The following ABCA13 variants were observed in gnomAD, a reference collection of about 807,000 sequenced individuals.
The protein encoded by ABCA13 is ATP binding cassette subfamily A member 13, also known as ATP-binding cassette sub-family A member 13.
In ABCA13, 476 loss-of-function variants were observed where a neutral mutation model predicts 478.7. The observed-to-expected ratio is 0.99, with a 90% confidence interval of 0.92 to 1.07. The LOEUF (loss-of-function observed/expected upper bound fraction) is 1.07, where lower values mean the gene tolerates loss of function less well. Among genes scored for constraint, ABCA13 ranks in the 50% least tolerant of loss-of-function variants. The pLI, the probability that ABCA13 is intolerant of heterozygous loss-of-function variation, is 0.00. For missense variants in ABCA13, 6,060 were observed against 5,910.6 expected (o/e 1.03, Z -0.83); for synonymous variants, 2,252 against 2,158.9 (o/e 1.04, Z -1.20).
chr7:48,404,839 A>G (rs1415371312), intron 39 of ABCA13, among the ~76,000 whole-genome samples: 1 of 152,230 alleles, frequency 6.6e-6, no homozygotes, highest in Non-Finnish European at 1.5e-5. Context: ...AGCATAGAAG[A>G]TCAATCTGTT....
At chr7:48,245,657 A>T (rs374608447) in intron 12 of ABCA13, 45 bp downstream of exon 12, 12 of 1,567,020 alleles carry the variant, frequency 7.7e-6, no homozygotes, top group Non-Finnish European at 1.0e-5. Flanking sequence ...TTAATAAAAC[A>T]TTCAAGAAGC....
At position 48,232,298 on chromosome 7, in the gene ABCA13, C is replaced by T. The variant is rs182449886; in HGVS notation, c.764-1720C>T. On this transcript the variant is annotated intron_variant, in intron 7 of 61. Coordinates refer to ENST00000435803, the MANE Select transcript of ABCA13 (RefSeq NM_152701.5). ...GTGCGAGATGAATAAAACACCTCAT[C>T]GAAATCTTCCCAGTGACCTTAATTT... 9.9e-4 allele frequency among the ~76,000 whole-genome samples: 150 copies of T among 151,884 alleles called. 2 individuals carry two copies. Among genetic ancestry groups the T allele is most frequent in the African/African-American group, 3.4e-3 (142 of 41,394 alleles).
chr7:48,398,713 G>T (rs1817190614), intron 38 of ABCA13, among the ~76,000 whole-genome samples: 1 of 152,162 alleles, frequency 6.6e-6, no homozygotes, highest in African/African-American at 2.4e-5. Context: ...ACTACTTAGA[G>T]TTCTGGAGTT....
intron 1 of ABCA13, among the ~76,000 whole-genome samples, chr7:48,176,505 T>C (rs1166235837): frequency 6.6e-6 from 1 of 152,186 alleles, no homozygotes. Flanking sequence ...AAGCACCGCA[T>C]TCTTGATTTA....
intron 51 of ABCA13, among the ~76,000 whole-genome samples, chr7:48,513,345 C>A (rs577392289): frequency 1.3e-5 from 2 of 152,224 alleles, no homozygotes; most frequent in African/African-American, 2.4e-5. Context: ...CATGCCTAAT[C>A]GCAGTCTTAT....
At chr7:48,466,872 T>G in intron 43 of ABCA13, 84 bp from the exon 44 acceptor site, 20 of 1,297,364 alleles carry the variant, frequency 1.5e-5, no homozygotes, top group Non-Finnish European at 2.1e-5. Flanking sequence ...GGGCACAATG[T>G]GAGGTCAGCA....
rs3078321 is a variant in ABCA13, at chr7:48,478,293, TTA to T, written c.12976-2726_12976-2725del. On this transcript the variant is annotated intron_variant, in intron 45 of 61. Transcript: ENST00000435803. ...TTTTATATATATCATATATATCATT[TTA>T]TATATATATATATATAATCACACAC... Among the ~76,000 whole-genome samples, 570 of 132,800 alleles carry T rather than the reference TTA, an allele frequency of 4.3e-3. 2 individuals carry two copies. Among genetic ancestry groups the T allele is most frequent in the African/African-American group, 0.015 (535 of 35,190 alleles). The allele number at this position is 132,800 out of a possible 152,430, so 87.1% of individuals were successfully genotyped here.
intron 19 of ABCA13, among the ~76,000 whole-genome samples, chr7:48,281,885 A>G (rs1299742403): frequency 6.6e-6 from 1 of 152,132 alleles, no homozygotes; most frequent in Non-Finnish European, 1.5e-5. Flanking sequence ...GCTACAGTCA[A>G]TATTTTTTGA....
intron 54 of ABCA13, among the ~76,000 whole-genome samples, chr7:48,524,976 G>A (rs1832791751): frequency 6.6e-6 from 1 of 152,192 alleles, no homozygotes; most frequent in African/African-American, 2.4e-5. Context: ...TGTGTAAAGG[G>A]AAATCAGTTC....
chr7:48,171,989 A>G (rs886626400), intron 1 of ABCA13, among the ~76,000 whole-genome samples: 95 of 152,188 alleles, frequency 6.2e-4, no homozygotes, highest in African/African-American at 2.3e-3. Flanking sequence ...AGAGCAGGGT[A>G]TGACACATCC....
intron 41 of ABCA13, among the ~76,000 whole-genome samples, chr7:48,418,766 A>C (rs993842419): frequency 3.9e-5 from 6 of 152,204 alleles, no homozygotes; most frequent in Non-Finnish European, 1.5e-5. Flanking sequence ...GTGTATTTTC[A>C]GATTAGACAC....
chr7:48,562,113 A>G (rs201888931), intron 55 of ABCA13, among the ~76,000 whole-genome samples: 22,488 of 98,874 alleles, frequency 0.23, 2,055 homozygotes, highest in African/African-American at 0.45. Flanking sequence ...ATGGGGGGGG[A>G]GGTGGATACA....
chr7:48,198,903 T>C (rs1458168830), intron 3 of ABCA13, among the ~76,000 whole-genome samples: 1 of 152,188 alleles, frequency 6.6e-6, no homozygotes, highest in Non-Finnish European at 1.5e-5. Context: ...ACAGTGTCAG[T>C]TGGCCTTAAA....
intron 27 of ABCA13, among the ~76,000 whole-genome samples, chr7:48,321,839 C>A (rs538884358): frequency 6.6e-6 from 1 of 152,262 alleles, no homozygotes; most frequent in South Asian, 2.1e-4. Flanking sequence ...GTGGGCTGGG[C>A]AGGCCAGGCC....
intron 13 of ABCA13, among the ~76,000 whole-genome samples, chr7:48,246,827 G>A (rs545108001): frequency 6.6e-6 from 1 of 152,292 alleles, no homozygotes; most frequent in Admixed American, 6.5e-5. Flanking sequence ...ACAACAGTGA[G>A]AGCCTTGGAG....
intron 1 of ABCA13, among the ~76,000 whole-genome samples, chr7:48,188,198 G>T (rs1796615709): frequency 6.6e-6 from 1 of 152,144 alleles, no homozygotes; most frequent in South Asian, 2.1e-4. Context: ...GACCAGTTGG[G>T]CTCCGTGCTC....
At chr7:48,624,777 A>G (rs538236610) in intron 59 of ABCA13, among the ~76,000 whole-genome samples, 1 of 146,908 alleles carries the variant, frequency 6.8e-6, no homozygotes, top group African/African-American at 2.5e-5. Flanking sequence ...CAGGTCTTGA[A>G]CTCCTGACCT....
chr7:48,479,362 C>T (rs149075373), intron 45 of ABCA13, among the ~76,000 whole-genome samples: 37 of 152,184 alleles, frequency 2.4e-4, no homozygotes, highest in African/African-American at 3.6e-4. Flanking sequence ...CTCAGCCTCC[C>T]GAGTAGCTGG....
chr7:48,459,815 A>C (rs1826058205), intron 43 of ABCA13, among the ~76,000 whole-genome samples: 1 of 152,232 alleles, frequency 6.6e-6, no homozygotes, highest in Admixed American at 6.5e-5. Context: ...GCAGACAAAC[A>C]AATGGAGCAT....
Sources: allele counts gnomAD v4.1 joint callset (sites outside exome capture counted in the v4.1 genomes callset), GRCh38; gene constraint gnomAD v4.1.1; transcripts MANE v1.5; gene names NCBI Gene and HGNC (gene_info 2026-07-23, HGNC 2026-07-21).